The following COA1 variants were observed in gnomAD, a reference collection of about 807,000 sequenced individuals.
The protein encoded by COA1 is cytochrome c oxidase assembly factor 1 homolog.
A neutral mutation model predicts 16.0 loss-of-function variants in COA1; 13 were observed. The observed-to-expected ratio is 0.81, with a 90% CI of 0.53 to 1.29. The LOEUF is 1.29. COA1 is among the 50% of genes most tolerant of loss of function. The pLI is 0.00. For synonymous variants in COA1, 65 were observed against 65.7 expected (o/e 0.99, Z 0.05); for missense variants, 179 against 177.0 (o/e 1.01, Z -0.06).
chr7:43,687,257 T>C (rs923339436), intron 1 of COA1, among the ~76,000 whole-genome samples: 2 of 152,194 alleles, frequency 1.3e-5, no homozygotes, highest in African/African-American at 4.8e-5. Flanking sequence ...TGCCAACATC[T>C]AGAGAAGACA....
At chr7:43,632,842 C>T (rs1422551346) in intron 6 of COA1, 1 of 152,242 alleles carries the variant, frequency 6.6e-6, no homozygotes, top group Admixed American at 6.5e-5. Context: ...AGCCACTGCA[C>T]CCAGCCATAT....
At chr7:43,660,666 T>C (rs1403235246) in intron 1 of COA1, among the ~76,000 whole-genome samples, 1 of 152,074 alleles carries the variant, frequency 6.6e-6, no homozygotes, top group Non-Finnish European at 1.5e-5. Flanking sequence ...TTACCCCCAA[T>C]CTAATCAGGC....
At chr7:43,705,835 C>T (rs1219313321) in intron 1 of COA1, among the ~76,000 whole-genome samples, 1 of 152,214 alleles carries the variant, frequency 6.6e-6, no homozygotes, top group African/African-American at 2.4e-5. Flanking sequence ...GTGGGCCACT[C>T]CACATCAATT....
intron 6 of COA1, chr7:43,624,036 C>T: frequency 1.8e-6 from 1 of 565,134 alleles, no homozygotes; most frequent in Non-Finnish European, 2.7e-6. Flanking sequence ...AAAATGTTGA[C>T]ATAAATCTAG....
At chr7:43,644,759 T>TAGATAGGC (rs1232562622) in intron 4 of COA1, among the ~76,000 whole-genome samples, 53 of 114,670 alleles carry the variant, frequency 4.6e-4, no homozygotes, top group Admixed American at 8.7e-4. Context: ...GATAGATAGA[T>TAGATAGGC]AGGCAGGCAG....
intron 1 of COA1, among the ~76,000 whole-genome samples, chr7:43,654,876 A>C (rs969487595): frequency 2.6e-5 from 4 of 152,278 alleles, no homozygotes; most frequent in Non-Finnish European, 1.5e-5. Flanking sequence ...GAGTAGCCTT[A>C]GGCTTCTTCT....
chr7:43,715,279 A>G (rs764555778), intron 1 of COA1, among the ~76,000 whole-genome samples: 1 of 152,016 alleles, frequency 6.6e-6, no homozygotes, highest in Non-Finnish European at 1.5e-5. Context: ...ATTGAATGTT[A>G]AGGGTATGTT....
chr7:43,669,717 C>T (rs1473343580), intron 1 of COA1, among the ~76,000 whole-genome samples: 1 of 151,820 alleles, frequency 6.6e-6, no homozygotes, highest in African/African-American at 2.4e-5. Context: ...TTTTCTTCTT[C>T]CTTCCTTCTT....
intron 1 of COA1, among the ~76,000 whole-genome samples, chr7:43,686,709 T>C (rs575017391): frequency 6.6e-6 from 1 of 152,362 alleles, no homozygotes; most frequent in South Asian, 2.1e-4. Context: ...TACTGGTTCA[T>C]TGACTATTCA....
intron 1 of COA1, among the ~76,000 whole-genome samples, chr7:43,675,621 G>C (rs557017720): frequency 5.3e-5 from 8 of 152,194 alleles, no homozygotes; most frequent in African/African-American, 1.9e-4. Flanking sequence ...TAAAAAAAGA[G>C]TAAGTGTAAA....
chr7:43,649,103 ATAATACC>A, intron 1 of COA1: 1 of 155,880 alleles, frequency 6.4e-6, no homozygotes, highest in Non-Finnish European at 1.4e-5. Context: ...AACAATATTG[ATAATACC>A]TAATACTTCT....
chr7:43,643,860 A>G (rs1313284254), intron 4 of COA1, among the ~76,000 whole-genome samples: 1 of 152,236 alleles, frequency 6.6e-6, no homozygotes, highest in Admixed American at 6.5e-5. Flanking sequence ...TTGCTTTTGT[A>G]GTTAGAAAAA....
chr7:43,701,015 A>AC (rs150986090), intron 1 of COA1, among the ~76,000 whole-genome samples: 3 of 152,118 alleles, frequency 2.0e-5, no homozygotes, highest in South Asian at 2.1e-4. Flanking sequence ...AGTTTTTGTT[A>AC]AAACTTACAG....
chr7:43,634,647 C>A (rs2085562216), downstream of COA1, among the ~76,000 whole-genome samples: 1 of 152,218 alleles, frequency 6.6e-6, no homozygotes, highest in Non-Finnish European at 1.5e-5. Flanking sequence ...CTCATTACAA[C>A]AGGCAAAGAA....
At chr7:43,727,531 A>T (rs576182353) in intron 1 of COA1, among the ~76,000 whole-genome samples, 1 of 149,606 alleles carries the variant, frequency 6.7e-6, no homozygotes, top group South Asian at 2.1e-4. Context: ...AACCAGCAAT[A>T]AAAAAAAGTA....
At chr7:43,694,509 T>C (rs968493728) in intron 1 of COA1, among the ~76,000 whole-genome samples, 1 of 152,174 alleles carries the variant, frequency 6.6e-6, no homozygotes, top group Admixed American at 6.5e-5. Flanking sequence ...TCAGCGCTCA[T>C]TTTACTCAAT....
At chr7:43,656,875 C>A (rs1044581761) in intron 1 of COA1, among the ~76,000 whole-genome samples, 1 of 151,770 alleles carries the variant, frequency 6.6e-6, no homozygotes, top group Non-Finnish European at 1.5e-5. Flanking sequence ...AGATCGCTTT[C>A]CAGTTTTAGC....
At chr7:43,673,160 AGT>A (rs2093353726) in intron 1 of COA1, among the ~76,000 whole-genome samples, 1 of 152,252 alleles carries the variant, frequency 6.6e-6, no homozygotes, top group Non-Finnish European at 1.5e-5. Context: ...AAAATTGACA[AGT>A]GAGATCTAAT....
chr7:43,707,031 A>G (rs576438771), intron 1 of COA1, among the ~76,000 whole-genome samples: 1 of 152,290 alleles, frequency 6.6e-6, no homozygotes, highest in African/African-American at 2.4e-5. Flanking sequence ...TTAGCCGGGC[A>G]TGGTGGCAGG....
Sources: allele counts gnomAD v4.1 joint callset (sites outside exome capture counted in the v4.1 genomes callset), GRCh38; gene constraint gnomAD v4.1.1; transcripts MANE v1.5; gene names NCBI Gene and HGNC (gene_info 2026-07-23, HGNC 2026-07-21).